The following NPAT variants were observed in gnomAD, a reference collection of about 807,000 sequenced individuals.
The protein encoded by NPAT is nuclear protein, coactivator of histone transcription.
In NPAT, 52 loss-of-function variants were observed where a neutral mutation model predicts 130.7. The ratio of observed to expected loss-of-function variants is 0.40; its 90% CI spans 0.32 to 0.50. The LOEUF (loss-of-function observed/expected upper bound fraction) is 0.50. Ranked by LOEUF, NPAT falls within the 20% of genes least tolerant of loss-of-function variation. NPAT has a pLI of 0.68. For missense variants in NPAT, 1,687 were observed against 1,662.6 expected (o/e 1.01, Z -0.26); for synonymous variants, 580 against 584.8 (o/e 0.99, Z 0.12).
intron 12 of NPAT, among the ~76,000 whole-genome samples, chr11:108,175,967 G>A (rs889390039): frequency 6.6e-6 from 1 of 152,110 alleles, no homozygotes; most frequent in Non-Finnish European, 1.5e-5. Context: ...AGCTATGATT[G>A]TGCCACTGCA....
chr11:108,182,793 T>C (rs1465648937), intron 10 of NPAT, among the ~76,000 whole-genome samples: 1 of 152,240 alleles, frequency 6.6e-6, no homozygotes, highest in African/African-American at 2.4e-5. Flanking sequence ...CCCAGCTAAA[T>C]CTTAATTCTT....
At chr11:108,214,631 ATTT>A (rs575646719) in intron 1 of NPAT, among the ~76,000 whole-genome samples, 4 of 140,380 alleles carry the variant, frequency 2.8e-5, no homozygotes, top group Non-Finnish European at 4.7e-5. Context: ...TATGATTCCA[ATTT>A]TTTTTTTTTT....
chr11:108,193,942 A>G lies in NPAT; in HGVS notation c.217+15T>C, dbSNP rs773108102. 4 of 1,517,086 alleles carry G rather than the reference A, an allele frequency of 2.6e-6. No individual in the cohort carries two copies. The highest frequency in any genetic ancestry group is 2.3e-5 in the East Asian group (1 of 44,362). The allele number at this position is 1,517,086 out of a possible 1,614,324, so 94.0% of individuals were successfully genotyped here. ...TGTATACATCAGCAAAAAAACTCCAAATCAGAACTCTTACCTTTTGTTTTC... is the reference window on the plus strand; with the variant it reads ...TGTATACATCAGCAAAAAAACTCCAGATCAGAACTCTTACCTTTTGTTTTC... On this transcript the variant is annotated intron_variant, in intron 3 of 17. Transcript: ENST00000278612.
chr11:108,208,422 T>G (rs767256314), intron 1 of NPAT: 2 of 455,796 alleles, frequency 4.4e-6, no homozygotes, highest in South Asian at 1.6e-5. Flanking sequence ...AGAACCCACC[T>G]CTATGGTTTT....
At chr11:108,173,958 A>C (rs2077980744) in intron 12 of NPAT, 107 bp from the exon 13 acceptor site, 1 of 940,534 alleles carries the variant, frequency 1.1e-6, no homozygotes. Flanking sequence ...TCATCTTTGC[A>C]TACCAGTAAG....
Position 108,162,013 on chromosome 11 carries a change from T to A in NPAT, c.3073A>T (p.Thr1025Ser), listed in dbSNP as rs1162130845. 1.9e-6 allele frequency: 3 copies of A among 1,610,738 alleles called. No individual in the cohort carries two copies. Among genetic ancestry groups the A allele is most frequent in the Non-Finnish European group, 2.5e-6 (3 of 1,178,878 alleles). The change falls in exon 17 of 18, where the codon ACT becomes TCT. Residue 1025 changes from threonine (T) to serine (S), a missense_variant and splice_region_variant. Thr to Ser is a moderately conservative substitution (Grantham distance 58). This residue lies in a region of NPAT where 1,379 missense variants were observed against 1,346.6 expected (regional missense o/e 1.02). Coordinates refer to ENST00000278612, the MANE Select transcript of NPAT (RefSeq NM_002519.3). The part of the protein sequence containing the change: ...GHSVGCHAQK[T>S]EVSDKSIATD... ...GCAATACTTTTGTCAGAAACTTCAG[T>A]TCTAAAACAAAACAAAACAAAACTA...
In NPAT at chr11:108,193,946, A is replaced by T; in HGVS notation, c.217+11T>A. On this transcript the variant is annotated intron_variant, in intron 3 of 17. Transcript: ENST00000278612. ...TACATCAGCAAAAAAACTCCAAATCAGAACTCTTACCTTTTGTTTTCATAG... is the reference window on the plus strand; with the variant it reads ...TACATCAGCAAAAAAACTCCAAATCTGAACTCTTACCTTTTGTTTTCATAG... 2 of 1,527,994 alleles carry T rather than the reference A, an allele frequency of 1.3e-6. No individual in the cohort carries two copies. Among genetic ancestry groups the T allele is most frequent in the Non-Finnish European group, 1.8e-6 (2 of 1,102,560 alleles). The allele number at this position is 1,527,994 out of a possible 1,614,324, so 94.7% of individuals were successfully genotyped here.
rs202128312 is a variant in NPAT at position 108,185,248 on chromosome 11, T to G, written c.890A>C (p.Glu297Ala). The G allele has an allele frequency of 5.3e-5, 86 of 1,611,180 alleles. 1 individual carries two copies. The Middle Eastern group carries it at 1.2e-3, about 22-fold the overall frequency. Residue 297 changes from glutamate (E) to alanine (A), a missense_variant, in exon 10 of 18, where the codon GAA becomes GCA. By Grantham distance (107) the Glu-to-Ala change is moderately radical. Around this residue, in one of 3 missense-constraint regions of NPAT, gnomAD observed 1,379 missense variants for 1,346.6 expected, o/e 1.02. Transcript: ENST00000278612. ...NPTEPETSIDEFLGLPSEIHM... is the reference protein window; with the variant it reads ...NPTEPETSIDAFLGLPSEIHM... ...CACCCATACCGGAAGTCCTAGGAATTCATCAATTGAAGTCTCTGGCTCCGT... is the reference window on the plus strand; with the variant it reads ...CACCCATACCGGAAGTCCTAGGAATGCATCAATTGAAGTCTCTGGCTCCGT...
At chr11:108,177,985 T>C (rs909559333) in intron 10 of NPAT, among the ~76,000 whole-genome samples, 1 of 152,220 alleles carries the variant, frequency 6.6e-6, no homozygotes, top group Admixed American at 6.5e-5. Flanking sequence ...CCTCCTAAAC[T>C]GCTGGGACTA....
chr11:108,220,613 A>T (rs1266160905), intron 1 of NPAT, among the ~76,000 whole-genome samples: 3 of 152,216 alleles, frequency 2.0e-5, no homozygotes, highest in Admixed American at 2.0e-4. Context: ...TACTGATAGG[A>T]AAAGAATCAT....
In NPAT at chr11:108,160,935, G is replaced by A; in HGVS notation, c.4151C>T (p.Pro1384Leu). The A allele has an allele frequency of 6.2e-7, 1 of 1,614,056 alleles. No homozygotes were observed. Reference protein sequence around the residue: ...ELDERERNSRPSSKNLTNSSI... With the variant: ...ELDERERNSRLSSKNLTNSSI... ...TGAATTTGTAAGATTTTTACTAGAA[G>A]GACGAGAGTTTCGCTCACGTTCATC... Residue 1384 changes from proline (P) to leucine (L), a missense_variant, in exon 17 of 18, where the codon CCT (proline) becomes CTT (leucine). Around this residue, in one of 3 missense-constraint regions of NPAT, gnomAD observed 1,379 missense variants for 1,346.6 expected, o/e 1.02. Transcript: ENST00000278612.
intron 1 of NPAT, among the ~76,000 whole-genome samples, chr11:108,213,965 A>G (rs952765979): frequency 6.6e-6 from 1 of 152,156 alleles, no homozygotes; most frequent in East Asian, 1.9e-4. Flanking sequence ...ATAGCTCACT[A>G]TAACCTTGAA....
chr11:108,185,234 G>C lies in NPAT; in HGVS notation c.904C>G (p.Pro302Ala). The change falls in exon 10 of 18, where the codon CCG becomes GCG. Residue 302 changes from proline (P) to alanine (A), a missense_variant and splice_region_variant. Transcript: ENST00000278612. ...ETSIDEFLGL[P>A]SEIHMSEEAI... ...ATGCACACCCCAACCACCCATACCG[G>C]AAGTCCTAGGAATTCATCAATTGAA... 6.2e-7 allele frequency: 1 copy of C among 1,606,936 alleles called. No individual in the cohort carries two copies. Among genetic ancestry groups the C allele is most frequent in the Non-Finnish European group, 8.5e-7 (1 of 1,174,706 alleles).
intron 15 of NPAT, among the ~76,000 whole-genome samples, chr11:108,167,447 A>G (rs1243584302): frequency 6.6e-6 from 1 of 152,172 alleles, no homozygotes; most frequent in Non-Finnish European, 1.5e-5. Flanking sequence ...TCCTAGACTC[A>G]AACAATCCTC....
intron 1 of NPAT, among the ~76,000 whole-genome samples, chr11:108,221,716 A>G (rs1353192549): frequency 6.6e-6 from 1 of 152,124 alleles, no homozygotes. Context: ...TTTGAGCTTT[A>G]CCTGGCTCTC....
At chr11:108,202,000 A>G (rs1463899349) in intron 1 of NPAT, among the ~76,000 whole-genome samples, 1 of 152,046 alleles carries the variant, frequency 6.6e-6, no homozygotes, top group African/African-American at 2.4e-5. Flanking sequence ...TGCAATAGTC[A>G]CCCTAAATGA....
At chr11:108,215,934 T>G (rs972910114) in intron 1 of NPAT, among the ~76,000 whole-genome samples, 2 of 152,246 alleles carry the variant, frequency 1.3e-5, no homozygotes, top group African/African-American at 4.8e-5. Flanking sequence ...GATGTGAAAT[T>G]AATTAGATCA....
At chr11:108,190,334 A>C (rs1056092412) in intron 5 of NPAT, 126 bp downstream of exon 5, 1 of 616,954 alleles carries the variant, frequency 1.6e-6, no homozygotes, top group Non-Finnish European at 2.7e-6. Flanking sequence ...AAAAAAAAAA[A>C]AAAGAAAGAA....
chr11:108,206,486 G>A (rs2078326367), intron 1 of NPAT, among the ~76,000 whole-genome samples: 1 of 152,152 alleles, frequency 6.6e-6, no homozygotes, highest in South Asian at 2.1e-4. Context: ...GGCTCCCTGT[G>A]AGGTTGCATC....
Sources: allele counts gnomAD v4.1 joint callset (sites outside exome capture counted in the v4.1 genomes callset), GRCh38; gene constraint gnomAD v4.1.1; regional missense constraint gnomAD v4.1.1; transcripts MANE v1.5; gene names NCBI Gene and HGNC (gene_info 2026-07-23, HGNC 2026-07-21).